Variants in HEPH observed in about 807,000 individuals in gnomAD.
HEPH encodes the protein hephaestin.
Under a neutral mutation model 80.8 loss-of-function variants are expected in HEPH, and 69 were observed. The ratio of observed to expected loss-of-function variants is 0.85; its 90% confidence interval spans 0.70 to 1.04. The LOEUF (loss-of-function observed/expected upper bound fraction) is 1.04, where lower values mean the gene tolerates loss of function less well. Ranked by LOEUF, HEPH falls within the 50% of genes least tolerant of loss-of-function variation. The probability of loss-of-function intolerance (pLI) is 0.00; values close to 1 mark genes in which losing one functional copy is unlikely to be tolerated. For synonymous variants in HEPH, 431 were observed against 322.8 expected (o/e 1.34, Z -3.60); for missense variants, 1,115 against 891.3 (o/e 1.25, Z -3.20).
At chrX:66,255,501 T>G (rs752605824) in intron 16 of HEPH, among the ~76,000 whole-genome samples, 1 of 111,705 alleles carries the variant, frequency 9.0e-6, no homozygotes, top group South Asian at 3.8e-4. Flanking sequence ...GCTTTTAGAG[T>G]GACCTTAAAT....
chrX:66,164,163 C>G (rs1199911955), upstream of HEPH: 2 of 736,842 alleles, frequency 2.7e-6, no homozygotes, highest in Non-Finnish European at 3.2e-6. Flanking sequence ...TCCTGAGATC[C>G]TAACCAGGAT....
At chrX:66,217,829 A>G (rs1017459150) in intron 15 of HEPH, among the ~76,000 whole-genome samples, 1 of 111,843 alleles carries the variant, frequency 8.9e-6, no homozygotes, top group Non-Finnish European at 1.9e-5. Context: ...ACTTAAGGTA[A>G]AAGGGGGGAA....
chrX:66,191,363 C>T (rs1239055786), intron 6 of HEPH, among the ~76,000 whole-genome samples: 1 of 112,228 alleles, frequency 8.9e-6, no homozygotes, highest in Non-Finnish European at 1.9e-5. Flanking sequence ...CAGAACCTAC[C>T]TAACATAATA....
At chrX:66,170,318 A>G (rs1432501160) in intron 1 of HEPH, 5 of 307,542 alleles carry the variant, frequency 1.6e-5, no homozygotes, top group Non-Finnish European at 2.9e-5. Flanking sequence ...CTCTCTTCTG[A>G]AGGAACTAGT....
intron 4 of HEPH, among the ~76,000 whole-genome samples, chrX:66,181,014 C>G (rs1424051717): frequency 1.1e-5 from 1 of 93,327 alleles, no homozygotes; most frequent in Non-Finnish European, 2.1e-5. Context: ...CATGTCCCTA[C>G]AAAGGACATG....
At chrX:66,191,817 G>T (rs1278843824) in intron 6 of HEPH, among the ~76,000 whole-genome samples, 2 of 111,696 alleles carry the variant, frequency 1.8e-5, no homozygotes, top group Non-Finnish European at 1.9e-5. Flanking sequence ...TAAAGCTTGG[G>T]CTTGAACTCG....
chrX:66,228,856 A>G (rs977436038), intron 15 of HEPH, among the ~76,000 whole-genome samples: 6 of 111,584 alleles, frequency 5.4e-5, no homozygotes, highest in Non-Finnish European at 1.1e-4. Flanking sequence ...GAATGGCCAT[A>G]GTCAAAAAAA....
chrX:66,199,135 C>G, intron 11 of HEPH, 107 bp downstream of exon 11: 1 of 821,449 alleles, frequency 1.2e-6, no homozygotes, highest in South Asian at 2.4e-5. Flanking sequence ...TTGGTCATCT[C>G]TGTCCAAGAG....
At chrX:66,259,180 T>C (rs2091277323) in intron 18 of HEPH, among the ~76,000 whole-genome samples, 1 of 111,852 alleles carries the variant, frequency 8.9e-6, no homozygotes, top group Non-Finnish European at 1.9e-5. Context: ...AGCTTTCCCT[T>C]CTGATGTGGA....
chrX:66,163,235 G>A (rs775417479), upstream of HEPH, among the ~76,000 whole-genome samples: 2 of 111,217 alleles, frequency 1.8e-5, no homozygotes, highest in South Asian at 7.6e-4. Context: ...CAAGTGGGGC[G>A]AGAACCTTGG....
rs1056645093 is a variant in HEPH, at chrX:66,196,325, A to G, written c.1501+1096A>G. ...ATACACATAGAGTAGATAAATAAAG[A>G]TGGCAAAATGTTAGCAATAGACTCT... On this transcript the variant is annotated intron_variant, in intron 9 of 20. Coordinates refer to ENST00000343002, the MANE Select transcript of HEPH (RefSeq NM_001367233.3). Among the ~76,000 whole-genome samples the G allele has an allele frequency of 4.5e-5, 5 of 111,700 alleles. No homozygotes were observed. The Admixed American group carries it at 4.8e-4, about 11-fold the overall frequency.
At chrX:66,198,165 TCTCTCTCCCTTTCCCTCTCC>T (rs1480496211) in intron 10 of HEPH, among the ~76,000 whole-genome samples, 7 of 94,775 alleles carry the variant, frequency 7.4e-5, no homozygotes, top group Admixed American at 2.3e-4. Flanking sequence ...CCTCCCTCCC[TCTCTCTCCCTTTCCCTCTCC>T]CCCTCTCCCT....
intron 11 of HEPH, 71 bp from the exon 12 acceptor site, chrX:66,200,469 C>T: frequency 1.2e-6 from 1 of 859,325 alleles, no homozygotes; most frequent in Admixed American, 2.9e-5. Context: ...ATAGCTGATG[C>T]CATGCTCCTG....
chrX:66,196,676 G>A (rs1001561484), intron 9 of HEPH, among the ~76,000 whole-genome samples: 2 of 111,645 alleles, frequency 1.8e-5, no homozygotes, highest in African/African-American at 6.5e-5. Context: ...ACCTGAGGAG[G>A]ACTCCTTTTC....
At chrX:66,229,594 C>T (rs2090036121) in intron 15 of HEPH, among the ~76,000 whole-genome samples, 1 of 111,353 alleles carries the variant, frequency 9.0e-6, no homozygotes, top group Admixed American at 9.5e-5. Context: ...CCCCAAAAAC[C>T]TATTGAAATA....
At chrX:66,171,717 C>T (rs2086601329) in intron 2 of HEPH, among the ~76,000 whole-genome samples, 1 of 111,959 alleles carries the variant, frequency 8.9e-6, no homozygotes, top group Non-Finnish European at 1.9e-5. Flanking sequence ...CATTATCCTT[C>T]ATCCCTAATA....
chrX:66,199,931 G>T (rs757518851), intron 11 of HEPH, among the ~76,000 whole-genome samples: 5 of 103,460 alleles, frequency 4.8e-5, no homozygotes, highest in Non-Finnish European at 7.7e-5. Context: ...CAGGACAATG[G>T]TGTGTGTGTG....
chrX:66,194,459 A>C (rs2087978245), intron 8 of HEPH, among the ~76,000 whole-genome samples: 1 of 111,997 alleles, frequency 8.9e-6, no homozygotes, highest in Admixed American at 9.5e-5. Context: ...ACCAAGAGTT[A>C]GAGCCGGAAT....
At position 66,189,764 on chromosome X, in the gene HEPH, A is replaced by G. The variant is rs1371277049; in HGVS notation, c.889A>G (p.Met297Val). 2 of 1,211,216 alleles carry G rather than the reference A, an allele frequency of 1.7e-6. No homozygotes were observed. The highest frequency in any genetic ancestry group is 2.2e-5 in the Admixed American group (1 of 45,954). The part of the protein sequence containing the change: ...QKRVAWHLFG[M>V]GNEIDVHTAF... ...ACGTGTGGCCTGGCACTTGTTTGGC[A>G]TGGGCAATGAAATTGATGTCCACAC... Residue 297 changes from methionine (M) to valine (V), a missense_variant, in exon 6 of 21, where the codon ATG (methionine) becomes GTG (valine). Transcript: ENST00000343002.
Sources: gnomAD v4.1 joint callset for allele counts (sites outside exome capture counted in the v4.1 genomes callset) on GRCh38, gnomAD v4.1.1 for gene constraint, MANE v1.5 for transcripts, NCBI Gene and HGNC (gene_info 2026-07-23, HGNC 2026-07-21) for gene names.